Variants in RSPH6A observed in about 807,000 individuals in gnomAD.
RSPH6A encodes radial spoke head 6 homolog A, also known as radial spoke head protein 6 homolog A.
RSPH6A carries 49 observed loss-of-function variants against 66.1 expected under a neutral mutation model. The observed-to-expected ratio is 0.74, with a 90% confidence interval of 0.59 to 0.94. The LOEUF is 0.94. Among genes scored for constraint, RSPH6A ranks in the 40% least tolerant of loss-of-function variants. The probability of loss-of-function intolerance (pLI) is 0.00; values close to 1 mark genes in which losing one functional copy is unlikely to be tolerated. For missense variants in RSPH6A, 977 were observed against 948.3 expected (o/e 1.03, Z -0.40); for synonymous variants, 419 against 402.4 (o/e 1.04, Z -0.49).
chr19:45,812,628 G>A (rs1970644885), intron 1 of RSPH6A, among the ~76,000 whole-genome samples: 1 of 152,106 alleles, frequency 6.6e-6, no homozygotes, highest in Non-Finnish European at 1.5e-5. Context: ...TAGGATCCGA[G>A]GAAGGAGCAG....
chr19:45,804,957 G>A lies in RSPH6A; in HGVS notation c.948C>T (p.Val316=), dbSNP rs1201334250. ...ETAFYFEQAG[V]GLSSDESFRI... is the part of the protein sequence containing the mutation. The stretch of plus-strand genomic sequence containing the variant: ...GGAAGCTCTCGTCCGAGCTCAGGCC[G>A]ACGCCGGCCTGCTCGAAGTAGAAGG... The change falls in exon 3 of 6, where the codon GTC becomes GTT. Residue 316 remains valine (V), a synonymous_variant. Transcript: ENST00000221538. This position sits in a 1 kb window ranked among gnomAD's most constrained non-coding sequence, Gnocchi z 5.8. 1.9e-5 allele frequency: 31 copies of A among 1,614,078 alleles called. No individual in the cohort carries two copies. The highest frequency in any genetic ancestry group is 2.4e-5 in the Non-Finnish European group (28 of 1,180,024).
In RSPH6A at chr19:45,800,637, A is replaced by C. The variant is rs1970459483; in HGVS notation, c.1799-74T>G. ...CAGGCCCTGCACTGCACCCTGAAGG[A>C]AGGAAGGCAGCAGTGAGGGAGGCCT... On this transcript the variant is annotated intron_variant, in intron 4 of 5. Transcript: ENST00000221538. 29 of 1,292,040 alleles carry C rather than the reference A, an allele frequency of 2.2e-5. No homozygotes were observed. In the South Asian group the frequency reaches 3.6e-4, roughly 16 times the overall value. 80.0% of individuals were successfully genotyped at this position (1,292,040 alleles called of 1,614,324 possible).
chr19:45,812,046 G>T (rs1380365012), intron 1 of RSPH6A, among the ~76,000 whole-genome samples: 2 of 151,310 alleles, frequency 1.3e-5, no homozygotes, highest in Non-Finnish European at 2.9e-5. Flanking sequence ...CTCCTAAAGT[G>T]CTGGGTTAAC....
Position 45,795,927 on chromosome 19 carries a change from G to T in RSPH6A, c.2096C>A (p.Ala699Asp), listed in dbSNP as rs1280977736. The stretch of plus-strand genomic sequence containing the variant: ...CTCGCCCTCCTCCTCCTCCTCTGTG[G>T]CTCCCAGGGCTTGTTCCTGGGCTGC... ...LKAAQEQALG[A>D]TEEEEEGEEE... Residue 699 changes from alanine (A) to aspartate (D), a missense_variant, in exon 6 of 6, where the codon GCC (alanine) becomes GAC (aspartate). Coordinates refer to ENST00000221538, the MANE Select transcript of RSPH6A (RefSeq NM_030785.4). The T allele has an allele frequency of 6.6e-7, 1 of 1,525,448 alleles. No individual in the cohort carries two copies. The highest frequency in any genetic ancestry group is 8.8e-7 in the Non-Finnish European group (1 of 1,139,528). The allele number at this position is 1,525,448 out of a possible 1,614,324, so 94.5% of individuals were successfully genotyped here. A position where few individuals can be genotyped will look rare whatever the true frequency, so the allele number is the denominator to read the frequency against.
At chr19:45,807,172 C>G (rs1000098734) in intron 2 of RSPH6A, among the ~76,000 whole-genome samples, 2 of 150,938 alleles carry the variant, frequency 1.3e-5, no homozygotes, top group Non-Finnish European at 3.0e-5. Flanking sequence ...GATTACAGGC[C>G]TGAGCCACTG....
At chr19:45,801,057 C>A (rs1053229013) in intron 4 of RSPH6A, among the ~76,000 whole-genome samples, 1 of 152,182 alleles carries the variant, frequency 6.6e-6, no homozygotes, top group Non-Finnish European at 1.5e-5. Context: ...CTCAGCCCCC[C>A]AAAGTGCTGG....
chr19:45,804,160 G>A lies in RSPH6A; in HGVS notation c.1653+92C>T. ...TGAACGAATGAATATTAGTTGCCCA[G>A]CAGAGAGTAAGAGCTTGATGTCAGT... On this transcript the variant is annotated intron_variant, in intron 3 of 5. Coordinates refer to ENST00000221538, the MANE Select transcript of RSPH6A (RefSeq NM_030785.4). The surrounding 1 kb of genome is among the most constrained non-coding windows in gnomAD (Gnocchi z 5.8). 1 of 996,870 alleles carries A rather than the reference G, an allele frequency of 1.0e-6. No homozygotes were observed. The highest frequency in any genetic ancestry group is 1.5e-6 in the Non-Finnish European group (1 of 676,090). 61.8% of individuals were successfully genotyped at this position (996,870 alleles called of 1,614,324 possible). A position where few individuals can be genotyped will look rare whatever the true frequency, so the allele number is the denominator to read the frequency against.
chr19:45,799,094 A>G (rs1970439547), intron 5 of RSPH6A, among the ~76,000 whole-genome samples: 1 of 152,232 alleles, frequency 6.6e-6, no homozygotes, highest in South Asian at 2.1e-4. Context: ...GGAATGTGTT[A>G]AAGTATCCAG....
At chr19:45,796,399 G>T (rs748069098) in intron 5 of RSPH6A, among the ~76,000 whole-genome samples, 9 of 151,220 alleles carry the variant, frequency 6.0e-5, no homozygotes, top group Admixed American at 1.3e-4. Flanking sequence ...TGATCTGCCC[G>T]CCTCGGCCTC....
chr19:45,796,149 C>T (rs1970407149), intron 5 of RSPH6A, 43 bp from the exon 6 acceptor site: 1 of 1,445,612 alleles, frequency 6.9e-7, no homozygotes, highest in Non-Finnish European at 9.3e-7. Flanking sequence ...CCTCAAAGGC[C>T]CCAGACTTGA....
chr19:45,800,365 C>A, intron 5 of RSPH6A, 81 bp downstream of exon 5: 1 of 1,272,940 alleles, frequency 7.9e-7, no homozygotes, highest in Non-Finnish European at 1.1e-6. Context: ...CTCTGCCCAC[C>A]CTGGCGAGTT....
chr19:45,804,515 C>G lies in RSPH6A; in HGVS notation c.1390G>C (p.Asp464His). ...GGTGGGTAGCTGACGACTGGCGTGT[C>G]CAGGTAGCCTGTGAAGAACTTCTTG... is the stretch of plus-strand genomic sequence containing the variant. ...KIKKFFTGYL[D>H]TPVVSYPPFP... is the part of the protein sequence containing the mutation. The change falls in exon 3 of 6, where the codon GAC becomes CAC. Residue 464 changes from aspartate (D) to histidine (H), a missense_variant. Asp to His is a moderately conservative substitution (Grantham distance 81, BLOSUM62 -1). Coordinates refer to ENST00000221538, the MANE Select transcript of RSPH6A (RefSeq NM_030785.4). This position sits in a 1 kb window ranked among gnomAD's most constrained non-coding sequence, Gnocchi z 5.8. 6.2e-7 allele frequency: 1 copy of G among 1,614,186 alleles called. No homozygotes were observed.
Position 45,815,297 on chromosome 19 carries a change from G to A in RSPH6A, c.-121C>T, listed in dbSNP as rs995770671. On this transcript the variant is annotated 5_prime_UTR_variant, in exon 1 of 6. Transcript: ENST00000221538. ...AGAGAGGGGGCCGTTACCCGTGGAG[G>A]GCGCGGGGAGCGGGCCAGGGTGGGT... 1.3e-4 allele frequency: 161 copies of A among 1,217,368 alleles called. No individual in the cohort carries two copies. The highest frequency in any genetic ancestry group is 2.9e-4 in the Middle Eastern group (1 of 3,494). 75.4% of individuals were successfully genotyped at this position (1,217,368 alleles called of 1,614,324 possible).
At chr19:45,810,493 G>A (rs920778594) in intron 2 of RSPH6A, 110 bp downstream of exon 2, 3 of 1,029,300 alleles carry the variant, frequency 2.9e-6, no homozygotes, top group Non-Finnish European at 4.5e-6. Context: ...TTTTGTGACT[G>A]GATTGTGCAA....
intron 1 of RSPH6A, among the ~76,000 whole-genome samples, chr19:45,812,564 G>T (rs1468945489): frequency 6.6e-6 from 1 of 152,120 alleles, no homozygotes; most frequent in East Asian, 1.9e-4. Flanking sequence ...AGAGCCTGAA[G>T]CTCTGAAGAG....
intron 4 of RSPH6A, among the ~76,000 whole-genome samples, chr19:45,801,852 A>G (rs1970478297): frequency 6.6e-6 from 1 of 152,036 alleles, no homozygotes; most frequent in Admixed American, 6.6e-5. Flanking sequence ...TCCAGTCTTT[A>G]GGCAGGGTTC....
In RSPH6A at chr19:45,805,027, T is replaced by C. The variant is rs910562818; in HGVS notation, c.889-11A>G. 6.3e-7 allele frequency: 1 copy of C among 1,597,320 alleles called. No individual in the cohort carries two copies. The highest frequency in any genetic ancestry group is 1.1e-5 in the South Asian group (1 of 90,240). Reference sequence around the variant, plus strand: ...CACTGGTGTCTCCCCCTGCGCAGGGTAGGGTGGAGGGCAGAGGGGAGAATG... The same window carrying C: ...CACTGGTGTCTCCCCCTGCGCAGGGCAGGGTGGAGGGCAGAGGGGAGAATG... On this transcript the variant is annotated splice_polypyrimidine_tract_variant and intron_variant, in intron 2 of 5. Coordinates refer to ENST00000221538, the MANE Select transcript of RSPH6A (RefSeq NM_030785.4).
chr19:45,800,817 C>CA (rs1365049114), intron 4 of RSPH6A, among the ~76,000 whole-genome samples: 1 of 146,072 alleles, frequency 6.8e-6, no homozygotes, highest in East Asian at 2.0e-4. Flanking sequence ...TTTTTGGAGA[C>CA]AGAGTCTCGT....
intron 3 of RSPH6A, 24 bp from the exon 4 acceptor site, chr19:45,802,288 T>A: frequency 7.4e-7 from 1 of 1,346,556 alleles, no homozygotes; most frequent in Non-Finnish European, 9.7e-7. Context: ...GAAGCTCAGG[T>A]GATGGCCCCA....
Sources: gnomAD v4.1 joint callset for allele counts (sites outside exome capture counted in the v4.1 genomes callset) on GRCh38, gnomAD v4.1.1 for gene constraint, Gnocchi (gnomAD v3.1) non-coding constraint, MANE v1.5 for transcripts, NCBI Gene and HGNC (gene_info 2026-07-23, HGNC 2026-07-21) for gene names.